DDR2: variants seen among roughly 807,000 people sequenced by gnomAD.
DDR2 encodes the protein discoidin domain receptor tyrosine kinase 2.
DDR2 carries 27 observed loss-of-function variants against 94.9 expected under a neutral mutation model. The ratio of observed to expected loss-of-function variants is 0.28; its 90% CI spans 0.21 to 0.39. The LOEUF is 0.39. Among genes scored for constraint, DDR2 ranks in the 10% least tolerant of loss-of-function variants. DDR2 has a pLI of 1.00. For missense variants in DDR2, 783 were observed against 1,076.0 expected (o/e 0.73, Z 3.81); for synonymous variants, 382 against 377.2 (o/e 1.01, Z -0.15).
chr1:162,741,270 A>AGT (rs1176761935), intron 3 of DDR2, among the ~76,000 whole-genome samples: 17 of 109,976 alleles, frequency 1.5e-4, no homozygotes, highest in East Asian at 7.8e-4. Context: ...AATGTAATAT[A>AGT]ATATAATATA....
chr1:162,727,969 A>ATC (rs1439841810), intron 3 of DDR2, among the ~76,000 whole-genome samples: 5 of 138,154 alleles, frequency 3.6e-5, no homozygotes, highest in South Asian at 2.3e-4. Context: ...ATCTATATAT[A>ATC]TATATATAGA....
rs1004681482 is a variant in DDR2 at position 162,722,247 on chromosome 1, G to A, written c.82+3102G>A. Among the ~76,000 whole-genome samples, 3 of 152,190 alleles carry A rather than the reference G, an allele frequency of 2.0e-5. No individual in the cohort carries two copies. In the East Asian group the frequency reaches 5.8e-4, roughly 29 times the overall value. On this transcript the variant is annotated intron_variant, in intron 3 of 17. Coordinates refer to ENST00000367921, the MANE Select transcript of DDR2 (RefSeq NM_006182.4). ...AAGTATCTGAGTTTTGGCAAAGCAG[G>A]CAGTCAGGCAGATGGTGTTAGTGGC...
In DDR2 at chr1:162,787,142, T is replaced by G. The variant is rs891181953; in HGVS notation, c.*6896T>G. Reference sequence around the variant, plus strand: ...AGAATATGTGAGTTTTCTGAGCACATTTTTCAGCATGGGGTATGGTAGATA... The same window carrying G: ...AGAATATGTGAGTTTTCTGAGCACAGTTTTCAGCATGGGGTATGGTAGATA... On this transcript the variant is annotated 3_prime_UTR_variant, in exon 18 of 18. Coordinates refer to ENST00000367921, the MANE Select transcript of DDR2 (RefSeq NM_006182.4). 1 of 152,142 alleles carries G rather than the reference T, an allele frequency of 6.6e-6. No individual in the cohort carries two copies. The highest frequency in any genetic ancestry group is 2.4e-5 in the African/African-American group (1 of 41,418). The allele number at this position is 152,142 out of a possible 1,614,324, so 9.4% of individuals were successfully genotyped here.
intron 2 of DDR2, among the ~76,000 whole-genome samples, chr1:162,658,814 G>T (rs1174261676): frequency 5.2e-5 from 1 of 19,150 alleles, no homozygotes; most frequent in Non-Finnish European, 2.3e-4. Context: ...GTGACAGAAT[G>T]AGACCCTGTC....
intron 3 of DDR2, among the ~76,000 whole-genome samples, chr1:162,727,874 C>T (rs1417649902): frequency 6.7e-6 from 1 of 149,058 alleles, no homozygotes; most frequent in Non-Finnish European, 1.5e-5. Flanking sequence ...CTGAAAAATT[C>T]TGTGAGGGCT....
chr1:162,637,317 C>A (rs975019014), intron 1 of DDR2, among the ~76,000 whole-genome samples: 2 of 151,968 alleles, frequency 1.3e-5, no homozygotes, highest in African/African-American at 2.4e-5. Flanking sequence ...AAAAATAATA[C>A]AGAAATAGTT....
chr1:162,636,728 A>G (rs1219722878), intron 1 of DDR2, among the ~76,000 whole-genome samples: 3 of 152,166 alleles, frequency 2.0e-5, no homozygotes, highest in Non-Finnish European at 2.9e-5. Context: ...TGTATAGGAA[A>G]CTGGAAAGCA....
chr1:162,720,329 CA>C (rs1170027670), intron 3 of DDR2, among the ~76,000 whole-genome samples: 5 of 152,066 alleles, frequency 3.3e-5, no homozygotes, highest in Non-Finnish European at 7.3e-5. Context: ...CACCACCCCG[CA>C]AAGGTAGCCA....
At chr1:162,777,975 T>C (rs939712754) in intron 16 of DDR2, 2 of 159,100 alleles carry the variant, frequency 1.3e-5, no homozygotes, top group Admixed American at 1.2e-4. Flanking sequence ...TGACTGGCCA[T>C]TGCACTCCAG....
chr1:162,677,807 C>G (rs963835455), intron 2 of DDR2, among the ~76,000 whole-genome samples: 1 of 152,212 alleles, frequency 6.6e-6, no homozygotes, highest in African/African-American at 2.4e-5. Flanking sequence ...TTCTAAACCA[C>G]TTCCCCACCT....
At chr1:162,651,900 C>G (rs1657710780) in intron 1 of DDR2, among the ~76,000 whole-genome samples, 1 of 152,162 alleles carries the variant, frequency 6.6e-6, no homozygotes, top group Admixed American at 6.5e-5. Context: ...TTAGTTATAA[C>G]TTTGCGTTAG....
chr1:162,665,692 G>A (rs1268979783), intron 2 of DDR2, among the ~76,000 whole-genome samples: 6 of 151,918 alleles, frequency 3.9e-5, no homozygotes, highest in African/African-American at 1.2e-4. Flanking sequence ...ACCTACTTAA[G>A]TGAGCTTTAG....
At chr1:162,682,166 G>GT (rs1261752978) in intron 2 of DDR2, among the ~76,000 whole-genome samples, 10 of 152,138 alleles carry the variant, frequency 6.6e-5, no homozygotes, top group African/African-American at 2.4e-4. Context: ...GGGGGTCCAT[G>GT]TTTATCTTGG....
intron 2 of DDR2, among the ~76,000 whole-genome samples, chr1:162,671,123 G>T (rs73020570): frequency 2.6e-5 from 4 of 152,130 alleles, no homozygotes; most frequent in African/African-American, 9.7e-5. Flanking sequence ...TATCACGTGG[G>T]AACTCATTAC....
In DDR2 at chr1:162,780,193, C is replaced by T. The variant is rs1571330087; in HGVS notation, c.2515C>T (p.Arg839Cys). 4 of 1,613,936 alleles carry T rather than the reference C, an allele frequency of 2.5e-6. No homozygotes were observed. The highest frequency in any genetic ancestry group is 3.4e-6 in the Non-Finnish European group (4 of 1,179,928). Residue 839 changes from arginine to cysteine, a missense_variant, in exon 18 of 18, where the codon CGT (arginine) becomes TGT (cysteine). By Grantham distance (180) the Arg-to-Cys change is radical. Around this residue, in one of 2 missense-constraint regions of DDR2, gnomAD observed 264 missense variants for 428.2 expected, o/e 0.62. Transcript: ENST00000367921. ...LSCWRRDTKN[R>C]PSFQEIHLLL... ...CTGCTGGAGAAGAGATACGAAGAACCGTCCCTCATTCCAAGAAATCCACCT... is the reference window on the plus strand; with the variant it reads ...CTGCTGGAGAAGAGATACGAAGAACTGTCCCTCATTCCAAGAAATCCACCT...
intron 2 of DDR2, among the ~76,000 whole-genome samples, chr1:162,708,151 G>T (rs1289682269): frequency 2.0e-5 from 3 of 152,160 alleles, no homozygotes; most frequent in Non-Finnish European, 4.4e-5. Context: ...TTAAGGGAAA[G>T]ACACTAAGAT....
rs562804273 is a variant in DDR2 at position 162,741,880 on chromosome 1, G to A, written c.83-11215G>A. On this transcript the variant is annotated intron_variant, in intron 3 of 17. Transcript: ENST00000367921. Reference sequence around the variant, plus strand: ...GACTAAAACACTTAGCACACTCAGCGACATGTAAGATCAGTGTTGAGGAGG... The same window carrying A: ...GACTAAAACACTTAGCACACTCAGCAACATGTAAGATCAGTGTTGAGGAGG... 2.6e-5 allele frequency among the ~76,000 whole-genome samples: 4 copies of A among 152,310 alleles called. No individual in the cohort carries two copies. The East Asian group carries it at 7.7e-4, about 29-fold the overall frequency.
At position 162,679,591 on chromosome 1, in the gene DDR2, T is replaced by C. The variant is rs368174998; in HGVS notation, c.-28+24217T>C. 3.3e-5 allele frequency among the ~76,000 whole-genome samples: 5 copies of C among 152,298 alleles called. No homozygotes were observed. The East Asian group carries it at 7.7e-4, about 24-fold the overall frequency. On this transcript the variant is annotated intron_variant, in intron 2 of 17. Transcript: ENST00000367921. ...GTTTGATTCCATGTCTTTGCTATTG[T>C]GGATAGTGCTGCAATGAACATGTGT...
intron 9 of DDR2, among the ~76,000 whole-genome samples, chr1:162,765,044 T>C (rs1663925768): frequency 1.3e-5 from 2 of 152,180 alleles, no homozygotes; most frequent in South Asian, 2.1e-4. Flanking sequence ...ATCTGAATAC[T>C]GAGAGTAGAA....
Sources: gnomAD v4.1 joint callset for allele counts (sites outside exome capture counted in the v4.1 genomes callset) on GRCh38, gnomAD v4.1.1 for gene constraint, gnomAD v4.1.1 regional missense constraint, MANE v1.5 for transcripts, NCBI Gene and HGNC (gene_info 2026-07-23, HGNC 2026-07-21) for gene names.